Variants in PSME3 observed in about 807,000 individuals in gnomAD.
The protein encoded by PSME3 is proteasome activator subunit 3, also known as proteasome activator complex subunit 3.
In PSME3, 7 loss-of-function variants were observed where a neutral mutation model predicts 38.3. The ratio of observed to expected loss-of-function variants is 0.18; its 90% CI spans 0.10 to 0.34. The LOEUF (loss-of-function observed/expected upper bound fraction) is 0.34, where lower values mean the gene tolerates loss of function less well. Ranked by LOEUF, PSME3 falls within the 10% of genes least tolerant of loss-of-function variation. The pLI is 1.00. For synonymous variants in PSME3, 108 were observed against 105.7 expected, an observed-to-expected ratio of 1.02 and a Z score of -0.13; for missense variants, 192 against 307.6, an observed-to-expected ratio of 0.62 and a Z score of 2.81.
chr17:42,840,975 TA>T lies in PSME3; in HGVS notation c.685-515del, dbSNP rs932986236. On this transcript the variant is annotated intron_variant, in intron 10 of 10. Transcript: ENST00000590720. The stretch of plus-strand genomic sequence containing the variant: ...GGTGAAACCCCATCTGTACTAAAAA[TA>T]AAAAAAATTAGCCGGGTGTGGTGGC... Among the ~76,000 whole-genome samples, 122 of 151,000 alleles carry T rather than the reference TA, an allele frequency of 8.1e-4. 1 individual carries two copies. Among genetic ancestry groups the T allele is most frequent in the Admixed American group, 1.7e-3 (26 of 15,176 alleles).
chr17:42,840,264 CAA>C (rs986029248), intron 10 of PSME3, among the ~76,000 whole-genome samples: 3 of 151,550 alleles, frequency 2.0e-5, no homozygotes, highest in African/African-American at 7.3e-5. Context: ...GCCTGGGCAA[CAA>C]GAGCGAAACT....
intron 4 of PSME3, among the ~76,000 whole-genome samples, chr17:42,836,429 T>C (rs2055464935): frequency 6.6e-6 from 1 of 152,258 alleles, no homozygotes; most frequent in African/African-American, 2.4e-5. Flanking sequence ...GATTTGTACG[T>C]ATTCCCTTAA....
rs1260496369 is a variant in PSME3 at position 42,842,651 on chromosome 17, T to G, written c.*1073T>G. On this transcript the variant is annotated 3_prime_UTR_variant, in exon 11 of 11. Coordinates refer to ENST00000590720, the MANE Select transcript of PSME3 (RefSeq NM_005789.4). ...GGCTTCCGGGGAAAGCAATCATTGG[T>G]GTGTATGTGTATGTGCATGCACACA... The G allele has an allele frequency of 6.5e-6, 1 of 152,766 alleles. No homozygotes were observed. The highest frequency in any genetic ancestry group is 1.5e-5 in the Non-Finnish European group (1 of 68,056). 9.5% of individuals were successfully genotyped at this position (152,766 alleles called of 1,614,324 possible).
rs189355019 is a variant in PSME3 at position 42,841,289 on chromosome 17, A to G, written c.685-209A>G. Reference sequence around the variant, plus strand: ...ATCGAACAAAATGATGTTATTTGAAACCAGGTTATTTGAGGACCTTCTGTA... The same window carrying G: ...ATCGAACAAAATGATGTTATTTGAAGCCAGGTTATTTGAGGACCTTCTGTA... On this transcript the variant is annotated intron_variant, in intron 10 of 10. Transcript: ENST00000590720. Among the ~76,000 whole-genome samples the G allele has an allele frequency of 5.0e-3, 763 of 152,312 alleles. 10 individuals are homozygous for G. Among genetic ancestry groups the G allele is most frequent in the African/African-American group, 0.017 (724 of 41,560 alleles).
chr17:42,834,649 C>T, intron 3 of PSME3, 72 bp downstream of exon 3: 1 of 1,602,412 alleles, frequency 6.2e-7, no homozygotes, highest in Non-Finnish European at 8.5e-7. Flanking sequence ...CTGGGATAAA[C>T]TGTTGATTCT....
Position 42,839,104 on chromosome 17 carries a change from C to G in PSME3, c.543-8C>G. 1 of 1,589,182 alleles carries G rather than the reference C, an allele frequency of 6.3e-7. No individual in the cohort carries two copies. Among genetic ancestry groups the G allele is most frequent in the Non-Finnish European group, 8.6e-7 (1 of 1,157,354 alleles). ...CCTGCATCTTCCTCCTCTTCTCTCT[C>G]TTTCCAGATATTATATTACAAGAGC... On this transcript the variant is annotated splice_polypyrimidine_tract_variant and splice_region_variant and intron_variant, in intron 8 of 10. Transcript: ENST00000590720.
In PSME3 at chr17:42,834,497, A is replaced by G; in HGVS notation, c.76-18A>G. The G allele has an allele frequency of 6.2e-7, 1 of 1,611,634 alleles. No homozygotes were observed. The highest frequency in any genetic ancestry group is 8.5e-7 in the Non-Finnish European group (1 of 1,178,122). On this transcript the variant is annotated intron_variant, in intron 2 of 10. Transcript: ENST00000590720. ...TTCCCACAGATATTAATTCAGCTGT[A>G]TTTTCCCTCTTCCTTAGGCAGAAGA...
chr17:42,838,704 G>T (rs773694795), intron 6 of PSME3, 27 bp from the exon 7 acceptor site: 1 of 1,606,696 alleles, frequency 6.2e-7, no homozygotes, highest in East Asian at 2.2e-5. Context: ...TTCAGGCAAA[G>T]GTCCTCATAT....
chr17:42,837,595 G>T, intron 4 of PSME3, 54 bp from the exon 5 acceptor site: 1 of 1,546,788 alleles, frequency 6.5e-7, no homozygotes, highest in Non-Finnish European at 8.9e-7. Flanking sequence ...GGTATCTTGT[G>T]ATGGAGATGT....
rs1567678757 is a variant in PSME3, at chr17:42,833,404, C to T, written c.-228C>T. 1.7e-6 allele frequency: 1 copy of T among 600,182 alleles called. No individual in the cohort carries two copies. Among genetic ancestry groups the T allele is most frequent in the Non-Finnish European group, 3.0e-6 (1 of 337,462 alleles). 37.2% of individuals were successfully genotyped at this position (600,182 alleles called of 1,614,324 possible). A position where few individuals can be genotyped will look rare whatever the true frequency, so the allele number is the denominator to read the frequency against. On this transcript the variant is annotated 5_prime_UTR_variant, in exon 1 of 11. Coordinates refer to ENST00000590720, the MANE Select transcript of PSME3 (RefSeq NM_005789.4). Reference sequence around the variant, plus strand: ...TCGGCGATTGGCTGTGACGCAGTTTCCGGCGTGAGCGGCGAAAGCCGGGAG... The same window carrying T: ...TCGGCGATTGGCTGTGACGCAGTTTTCGGCGTGAGCGGCGAAAGCCGGGAG...
At position 42,839,388 on chromosome 17, in the gene PSME3, A is replaced by G. The variant is rs377482824; in HGVS notation, c.684+8A>G. 3.5e-5 allele frequency: 56 copies of G among 1,586,436 alleles called. No individual in the cohort carries two copies. The highest frequency in any genetic ancestry group is 4.8e-5 in the Non-Finnish European group (55 of 1,156,198). On this transcript the variant is annotated splice_region_variant and intron_variant, in intron 10 of 10. Coordinates refer to ENST00000590720, the MANE Select transcript of PSME3 (RefSeq NM_005789.4). Reference sequence around the variant, plus strand: ...GAGCTGAGGAATCAATATGTGAGTAATCTCAGTCCTTGTCCATAGTTGCTG... The same window carrying G: ...GAGCTGAGGAATCAATATGTGAGTAGTCTCAGTCCTTGTCCATAGTTGCTG...
intron 9 of PSME3, 25 bp downstream of exon 9, chr17:42,839,191 G>C (rs2055500196): frequency 2.5e-6 from 4 of 1,569,030 alleles, no homozygotes; most frequent in Non-Finnish European, 2.6e-6. Flanking sequence ...TGTGGCCTGA[G>C]GGTGGAGGTG....
Position 42,835,724 on chromosome 17 carries a change from CAAAAAAA to C in PSME3, c.243+855_243+861del, listed in dbSNP as rs543220645. Among the ~76,000 whole-genome samples the C allele has an allele frequency of 2.5e-5, 3 of 121,990 alleles. No individual in the cohort carries two copies. The South Asian group carries it at 7.7e-4, about 31-fold the overall frequency. 80.0% of individuals were successfully genotyped at this position (121,990 alleles called of 152,430 possible). A position where few individuals can be genotyped will look rare whatever the true frequency, so the allele number is the denominator to read the frequency against. On this transcript the variant is annotated intron_variant, in intron 4 of 10. Transcript: ENST00000590720. ...TGGGCGACAGAGCGAGACTCTGTCT[CAAAAAAA>C]AAAAAAGAGAACTAGCTTCATCAGG...
chr17:42,835,567 TA>T (rs1221489360), intron 4 of PSME3, among the ~76,000 whole-genome samples: 3 of 151,738 alleles, frequency 2.0e-5, no homozygotes, highest in Non-Finnish European at 2.9e-5. Context: ...CTACTGAAAA[TA>T]CAAAAAATTA....
intron 10 of PSME3, 26 bp from the exon 11 acceptor site, chr17:42,841,472 G>T: frequency 6.7e-7 from 1 of 1,495,494 alleles, no homozygotes; most frequent in South Asian, 1.2e-5. Context: ...ACAGATATGT[G>T]ATTCCCCTGA....
rs769354881 is a variant in PSME3 at position 42,834,910 on chromosome 17, G to A, written c.243+34G>A. ...CCTATATTTATCTTTGTGTTCTTGA[G>A]CAGTAGGTCCTCTGTCCTCTGTTTC... On this transcript the variant is annotated intron_variant, in intron 4 of 10. Transcript: ENST00000590720. 4 of 1,611,754 alleles carry A rather than the reference G, an allele frequency of 2.5e-6. No individual in the cohort carries two copies. In the Admixed American group the frequency reaches 5.0e-5, roughly 20 times the overall value.
intron 7 of PSME3, 27 bp downstream of exon 7, chr17:42,838,826 A>C (rs751571396): frequency 6.3e-7 from 1 of 1,580,602 alleles, no homozygotes; most frequent in Admixed American, 1.7e-5. Flanking sequence ...ACATACTGGG[A>C]AGAGTGGCTT....
rs111565009 is a variant in PSME3, at chr17:42,841,809, C to T, written c.*231C>T. 5.2e-5 allele frequency: 19 copies of T among 361,976 alleles called. No homozygotes were observed. Among genetic ancestry groups the T allele is most frequent in the South Asian group, 1.4e-4 (2 of 14,206 alleles). The allele number at this position is 361,976 out of a possible 1,614,324, so 22.4% of individuals were successfully genotyped here. On this transcript the variant is annotated 3_prime_UTR_variant, in exon 11 of 11. Transcript: ENST00000590720. ...CCCTAATACCCCACACCCAACCTGT[C>T]GTAATTTCTGGAGAACTCCAGGTTT...
chr17:42,838,295 G>A, intron 6 of PSME3, 90 bp downstream of exon 6: 1 of 1,546,542 alleles, frequency 6.5e-7, no homozygotes, highest in South Asian at 1.2e-5. Flanking sequence ...TATGGGAATT[G>A]GCAGACTAGG....
Sources: allele counts gnomAD v4.1 joint callset (sites outside exome capture counted in the v4.1 genomes callset), GRCh38; gene constraint gnomAD v4.1.1; transcripts MANE v1.5; gene names NCBI Gene and HGNC (gene_info 2026-07-23, HGNC 2026-07-21).